The following DPP10 variants were observed in gnomAD, a reference collection of about 807,000 sequenced individuals.
DPP10 encodes dipeptidyl peptidase like 10.
DPP10 carries 33 observed loss-of-function variants against 120.9 expected under a neutral mutation model. The observed-to-expected ratio is 0.27, with a 90% CI of 0.21 to 0.37. The LOEUF is 0.37. Among genes scored for constraint, DPP10 ranks in the 10% least tolerant of loss-of-function variants. The pLI, the probability that DPP10 is intolerant of heterozygous loss-of-function variation, is 1.00. For synonymous variants in DPP10, 337 were observed against 326.1 expected (o/e 1.03, Z -0.36); for missense variants, 816 against 942.8 (o/e 0.87, Z 1.76).
At chr2:114,919,129 A>T (rs757701266) in intron 1 of DPP10, among the ~76,000 whole-genome samples, 2 of 151,920 alleles carry the variant, frequency 1.3e-5, no homozygotes, top group South Asian at 2.1e-4. Context: ...TTTTATTGAG[A>T]TGAGGAAAGA....
At chr2:115,559,990 A>G (rs944521802) in intron 5 of DPP10, among the ~76,000 whole-genome samples, 1 of 152,044 alleles carries the variant, frequency 6.6e-6, no homozygotes, top group Non-Finnish European at 1.5e-5. Flanking sequence ...TACAGAGAAA[A>G]GTCCTTTCTC....
At chr2:114,925,753 G>T (rs1695573246) in intron 1 of DPP10, among the ~76,000 whole-genome samples, 1 of 152,132 alleles carries the variant, frequency 6.6e-6, no homozygotes, top group Non-Finnish European at 1.5e-5. Context: ...TGTACGTGCA[G>T]GGATATGGAC....
At chr2:115,355,931 C>T (rs1022864381) in intron 3 of DPP10, among the ~76,000 whole-genome samples, 2 of 152,136 alleles carry the variant, frequency 1.3e-5, no homozygotes, top group African/African-American at 4.8e-5. Flanking sequence ...GTTTTTGTAG[C>T]AGTACCATGC....
At chr2:115,536,672 A>G (rs996657747) in intron 5 of DPP10, among the ~76,000 whole-genome samples, 4 of 152,020 alleles carry the variant, frequency 2.6e-5, no homozygotes, top group Non-Finnish European at 5.9e-5. Context: ...TAGGACACGA[A>G]TGCTTTTTCT....
intron 1 of DPP10, among the ~76,000 whole-genome samples, chr2:114,679,819 A>G (rs1447747645): frequency 6.6e-6 from 1 of 152,008 alleles, no homozygotes; most frequent in Non-Finnish European, 1.5e-5. Flanking sequence ...TAAAATTTTT[A>G]AGAATTGAGA....
intron 4 of DPP10, among the ~76,000 whole-genome samples, chr2:115,506,798 G>A (rs1358335032): frequency 6.6e-6 from 1 of 152,066 alleles, no homozygotes; most frequent in Non-Finnish European, 1.5e-5. Flanking sequence ...CAGATAATCA[G>A]TAAGGAAACA....
intron 1 of DPP10, among the ~76,000 whole-genome samples, chr2:115,283,267 A>G (rs187175348): frequency 2.6e-4 from 40 of 152,134 alleles, no homozygotes; most frequent in African/African-American, 9.6e-4. Context: ...TTACCACCTT[A>G]ACAGCTTAAA....
intron 19 of DPP10, among the ~76,000 whole-genome samples, chr2:115,806,580 G>A (rs1462745347): frequency 6.6e-6 from 1 of 152,144 alleles, no homozygotes; most frequent in East Asian, 1.9e-4. Flanking sequence ...AAGGTGTCAT[G>A]ATGCCCTACC....
At chr2:114,996,045 G>A (rs1414651370) in intron 1 of DPP10, among the ~76,000 whole-genome samples, 1 of 152,148 alleles carries the variant, frequency 6.6e-6, no homozygotes, top group East Asian at 1.9e-4. Context: ...CCCTCATGAA[G>A]GACTTTTCAT....
chr2:114,619,677 A>G (rs1179635236), intron 1 of DPP10, among the ~76,000 whole-genome samples: 2 of 152,018 alleles, frequency 1.3e-5, no homozygotes, highest in Non-Finnish European at 2.9e-5. Context: ...ACTCTACCAC[A>G]TCAGGTCTAT....
At chr2:114,770,320 T>C (rs1030243753) in intron 1 of DPP10, among the ~76,000 whole-genome samples, 1 of 152,140 alleles carries the variant, frequency 6.6e-6, no homozygotes, top group African/African-American at 2.4e-5. Context: ...AGGATTTATA[T>C]GATTGAAGAG....
At chr2:115,620,526 A>G (rs2149279269) in intron 5 of DPP10, among the ~76,000 whole-genome samples, 1 of 152,346 alleles carries the variant, frequency 6.6e-6, no homozygotes, top group South Asian at 2.1e-4. Flanking sequence ...AAAATTTGTC[A>G]TATTTTATGG....
chr2:114,571,655 T>C (rs972617440), intron 1 of DPP10, among the ~76,000 whole-genome samples: 9 of 152,060 alleles, frequency 5.9e-5, no homozygotes, highest in Non-Finnish European at 1.2e-4. Flanking sequence ...TGCTTTCTAT[T>C]GATGAAAATT....
intron 1 of DPP10, among the ~76,000 whole-genome samples, chr2:115,182,784 G>C (rs548162941): frequency 1.3e-5 from 2 of 152,026 alleles, no homozygotes; most frequent in Non-Finnish European, 2.9e-5. Flanking sequence ...TGAGTGATGG[G>C]GGTTACCTTT....
intron 1 of DPP10, among the ~76,000 whole-genome samples, chr2:115,072,583 G>A (rs1707456613): frequency 6.6e-6 from 1 of 152,104 alleles, no homozygotes. Flanking sequence ...CTTTGCTTAA[G>A]TGTGTTAATT....
chr2:115,552,382 C>A (rs1359816146), intron 5 of DPP10, among the ~76,000 whole-genome samples: 1 of 152,210 alleles, frequency 6.6e-6, no homozygotes, highest in African/African-American at 2.4e-5. Flanking sequence ...TACTTTCAAG[C>A]AATTTTACTC....
At chr2:115,574,025 A>G (rs998627080) in intron 5 of DPP10, among the ~76,000 whole-genome samples, 1 of 152,100 alleles carries the variant, frequency 6.6e-6, no homozygotes, top group African/African-American at 2.4e-5. Flanking sequence ...GTGAGTTCCC[A>G]TAATTTTCTT....
At chr2:114,970,096 A>T (rs1369508517) in intron 1 of DPP10, among the ~76,000 whole-genome samples, 1 of 152,098 alleles carries the variant, frequency 6.6e-6, no homozygotes, top group Admixed American at 6.5e-5. Flanking sequence ...AATAAAGGAG[A>T]AAAACTGGAA....
intron 1 of DPP10, among the ~76,000 whole-genome samples, chr2:115,110,621 A>T (rs1472597347): frequency 6.6e-6 from 1 of 152,106 alleles, no homozygotes; most frequent in Non-Finnish European, 1.5e-5. Flanking sequence ...TATCTATAGC[A>T]TTAAAATATA....
Sources: allele counts gnomAD v4.1 joint callset (sites outside exome capture counted in the v4.1 genomes callset), GRCh38; gene constraint gnomAD v4.1.1; transcripts MANE v1.5; gene names NCBI Gene and HGNC (gene_info 2026-07-23, HGNC 2026-07-21).